The following DIP2B variants were observed in gnomAD, a reference collection of about 807,000 sequenced individuals.
DIP2B encodes the protein DIP2 acetate--CoA ligase B (putative), also known as disco-interacting protein 2 homolog B.
Under a neutral mutation model 198.0 loss-of-function variants are expected in DIP2B, and 76 were observed. The ratio of observed to expected loss-of-function variants is 0.38; its 90% CI spans 0.32 to 0.46. The LOEUF (loss-of-function observed/expected upper bound fraction) is 0.46. Ranked by LOEUF, DIP2B falls within the 20% of genes least tolerant of loss-of-function variation. The probability of loss-of-function intolerance (pLI) is 0.99; values close to 1 mark genes in which losing one functional copy is unlikely to be tolerated. For missense variants in DIP2B, 1,559 were observed against 1,978.4 expected (o/e 0.79, Z 4.02); for synonymous variants, 701 against 739.1 (o/e 0.95, Z 0.84).
intron 1 of DIP2B, among the ~76,000 whole-genome samples, chr12:50,599,269 G>T (rs533427370): frequency 6.7e-6 from 1 of 148,360 alleles, no homozygotes; most frequent in East Asian, 2.0e-4. Flanking sequence ...TTCAACCTGG[G>T]CCACAGAGTG....
chr12:50,692,591 A>G (rs551598334), intron 13 of DIP2B, among the ~76,000 whole-genome samples: 2 of 152,254 alleles, frequency 1.3e-5, no homozygotes, highest in South Asian at 2.1e-4. Context: ...TAATCCCAGC[A>G]CATTGGGAGG....
chr12:50,671,652 A>G (rs920759743), intron 5 of DIP2B, among the ~76,000 whole-genome samples: 2 of 152,354 alleles, frequency 1.3e-5, no homozygotes, highest in East Asian at 1.9e-4. Flanking sequence ...GCAATGCTCA[A>G]GCTGCAAGAT....
At chr12:50,609,918 A>G (rs1959017090) in intron 1 of DIP2B, among the ~76,000 whole-genome samples, 1 of 152,248 alleles carries the variant, frequency 6.6e-6, no homozygotes, top group South Asian at 2.1e-4. Flanking sequence ...CATCCTGAGA[A>G]AACTGCATTA....
intron 2 of DIP2B, among the ~76,000 whole-genome samples, chr12:50,634,319 A>C (rs1938118713): frequency 6.6e-6 from 1 of 152,210 alleles, no homozygotes; most frequent in Admixed American, 6.5e-5. Context: ...GGAAAATGGA[A>C]GATTTTGTGT....
intron 37 of DIP2B, among the ~76,000 whole-genome samples, chr12:50,743,297 A>C (rs1592151696): frequency 6.6e-6 from 1 of 152,174 alleles, no homozygotes. Context: ...TGGCCAGGCT[A>C]GTCTTGAATT....
intron 3 of DIP2B, among the ~76,000 whole-genome samples, chr12:50,643,026 CTGTGTGTG>C (rs10651157): frequency 2.7e-5 from 4 of 149,708 alleles, no homozygotes; most frequent in Non-Finnish European, 6.0e-5. Flanking sequence ...CTGGGAGTTT[CTGTGTGTG>C]TGTGTGTGTG....
intron 12 of DIP2B, among the ~76,000 whole-genome samples, chr12:50,690,572 A>G (rs2139547400): frequency 6.6e-6 from 1 of 152,192 alleles, no homozygotes; most frequent in East Asian, 1.9e-4. Flanking sequence ...AGCAACTTGA[A>G]TGGAACATTA....
chr12:50,727,916 T>C (rs1250560285), intron 29 of DIP2B, 104 bp downstream of exon 29: 2 of 907,674 alleles, frequency 2.2e-6, no homozygotes, highest in African/African-American at 1.7e-5. Context: ...CAGAGACCGG[T>C]AGGCAGAGTG....
chr12:50,614,804 A>G (rs1460722089), intron 1 of DIP2B, among the ~76,000 whole-genome samples: 1 of 152,208 alleles, frequency 6.6e-6, no homozygotes, highest in Non-Finnish European at 1.5e-5. Flanking sequence ...ACCCTTTTCC[A>G]CTTTGGCCTA....
At chr12:50,648,079 C>G (rs1938381573) in intron 3 of DIP2B, among the ~76,000 whole-genome samples, 1 of 152,208 alleles carries the variant, frequency 6.6e-6, no homozygotes, top group Non-Finnish European at 1.5e-5. Flanking sequence ...GCACTCCAGC[C>G]TAGGCGACAG....
At chr12:50,698,206 T>G in intron 17 of DIP2B, 122 bp from the exon 18 acceptor site, 1 of 1,246,340 alleles carries the variant, frequency 8.0e-7, no homozygotes, top group African/African-American at 1.5e-5. Context: ...TGGCATATTT[T>G]TGGGAGAGAA....
rs979719858 is a variant in DIP2B at position 50,686,049 on chromosome 12, A to G, written c.1441+93A>G. The G allele has an allele frequency of 7.9e-6, 10 of 1,266,954 alleles. No individual in the cohort carries two copies. In the African/African-American group the frequency reaches 1.1e-4, roughly 13 times the overall value. The allele number at this position is 1,266,954 out of a possible 1,614,324, so 78.5% of individuals were successfully genotyped here. The stretch of plus-strand genomic sequence containing the variant: ...TTAGTAATAGCTAGGTACTTTACAT[A>G]TATGTTCTATTTAATTCTCATAGTC... On this transcript the variant is annotated intron_variant, in intron 11 of 37. Coordinates refer to ENST00000301180, the MANE Select transcript of DIP2B (RefSeq NM_173602.3).
chr12:50,579,724 G>A (rs1958706073), intron 1 of DIP2B, among the ~76,000 whole-genome samples: 16 of 108,620 alleles, frequency 1.5e-4, no homozygotes, highest in Non-Finnish European at 2.0e-4. Flanking sequence ...TATATACATA[G>A]CTTCATGGAC....
In DIP2B at chr12:50,683,177, A is replaced by C; in HGVS notation, c.1246A>C (p.Met416Leu). 6.2e-7 allele frequency: 1 copy of C among 1,612,918 alleles called. No homozygotes were observed. The highest frequency in any genetic ancestry group is 8.5e-7 in the Non-Finnish European group (1 of 1,179,658). ...VYPNNDPVMF[M>L]VAFYGCLLAE... ...CCCCAACAATGATCCAGTCATGTTTATGGTGGCTTTCTATGGATGCCTCCT... is the reference window on the plus strand; with the variant it reads ...CCCCAACAATGATCCAGTCATGTTTCTGGTGGCTTTCTATGGATGCCTCCT... Residue 416 changes from methionine to leucine, a missense_variant, in exon 10 of 38, where the codon ATG becomes CTG. Met to Leu is a conservative substitution (Grantham distance 15). Coordinates refer to ENST00000301180, the MANE Select transcript of DIP2B (RefSeq NM_173602.3).
chr12:50,701,471 T>A (rs1342189465), intron 19 of DIP2B, among the ~76,000 whole-genome samples: 1 of 152,228 alleles, frequency 6.6e-6, no homozygotes, highest in African/African-American at 2.4e-5. Flanking sequence ...AACCTCTGCC[T>A]CCCGGGTTCA....
Position 50,625,978 on chromosome 12 carries a change from G to T in DIP2B, c.103G>T (p.Asp35Tyr), listed in dbSNP as rs771246405. 5.6e-6 allele frequency: 9 copies of T among 1,613,904 alleles called. No individual in the cohort carries two copies. The highest frequency in any genetic ancestry group is 6.8e-6 in the Non-Finnish European group (8 of 1,179,902). ...AELELELSEGDITQKGYEKKR... is the reference protein window; with the variant it reads ...AELELELSEGYITQKGYEKKR... ...ATTTCTGTTTCTTGCTATTTTAGGGGACATCACCCAGAAGGGCTATGAAAA... is the reference window on the plus strand; with the variant it reads ...ATTTCTGTTTCTTGCTATTTTAGGGTACATCACCCAGAAGGGCTATGAAAA... The change falls in exon 2 of 38, where the codon GAC (aspartate) becomes TAC (tyrosine). Residue 35 changes from aspartate to tyrosine, a missense_variant and splice_region_variant. By Grantham distance (160) the Asp-to-Tyr change is radical (BLOSUM62 -3). Transcript: ENST00000301180.
Position 50,661,140 on chromosome 12 carries a change from A to G in DIP2B, c.427+821A>G, listed in dbSNP as rs1052010760. Among the ~76,000 whole-genome samples, 14 of 152,268 alleles carry G rather than the reference A, an allele frequency of 9.2e-5. 1 individual carries two copies. In the East Asian group the frequency reaches 2.7e-3, roughly 29 times the overall value. Reference sequence around the variant, plus strand: ...TGGAAGCTCGAAAAAAATTTTTTTTAGATCGAATCCCAGACAAGATCTTGA... The same window carrying G: ...TGGAAGCTCGAAAAAAATTTTTTTTGGATCGAATCCCAGACAAGATCTTGA... On this transcript the variant is annotated intron_variant, in intron 4 of 37. Coordinates refer to ENST00000301180, the MANE Select transcript of DIP2B (RefSeq NM_173602.3).
chr12:50,664,830 GTTTTTGTTTTTTTTTTTTTTTTTT>G (rs1938720134), intron 4 of DIP2B, among the ~76,000 whole-genome samples: 4 of 99,686 alleles, frequency 4.0e-5, no homozygotes, highest in East Asian at 3.6e-4. Flanking sequence ...TCCTTTTTTG[GTTTTTGTTTTTTTTTTTTTTTTTT>G]TTTTTTTTTT....
At position 50,505,001 on chromosome 12, in the gene DIP2B, T is replaced by TGGCGGCGGC. The variant is rs574938327; in HGVS notation, c.-125_-117dup. 3,934 of 651,186 alleles carry TGGCGGCGGC rather than the reference T, an allele frequency of 6.0e-3. 229 individuals are homozygous for TGGCGGCGGC. The highest frequency in any genetic ancestry group is 0.013 in the Middle Eastern group (29 of 2,252). The allele number at this position is 651,186 out of a possible 1,614,324, so 40.3% of individuals were successfully genotyped here. A position where few individuals can be genotyped will look rare whatever the true frequency, so the allele number is the denominator to read the frequency against. On this transcript the variant is annotated 5_prime_UTR_variant, in exon 1 of 38. Coordinates refer to ENST00000301180, the MANE Select transcript of DIP2B (RefSeq NM_173602.3). ...GTCGCGCTCACGTGACCTTTGCTCA[T>TGGCGGCGGC]GGCGGCGGCGGCGGCGGCGGCGGTG...
Sources: gnomAD v4.1 joint callset for allele counts (sites outside exome capture counted in the v4.1 genomes callset) on GRCh38, gnomAD v4.1.1 for gene constraint, MANE v1.5 for transcripts, NCBI Gene and HGNC (gene_info 2026-07-23, HGNC 2026-07-21) for gene names.